Variants in PCDHGB3 observed in about 807,000 individuals in gnomAD.
PCDHGB3 encodes the protein protocadherin gamma subfamily B, 3.
In PCDHGB3, 40 loss-of-function variants were observed where a neutral mutation model predicts 59.2. The observed-to-expected ratio is 0.68, with a 90% CI of 0.52 to 0.88. The LOEUF (loss-of-function observed/expected upper bound fraction) is 0.88, where lower values mean the gene tolerates loss of function less well. Among genes scored for constraint, PCDHGB3 ranks in the 40% least tolerant of loss-of-function variants. The probability of loss-of-function intolerance (pLI) is 0.00; values close to 1 mark genes in which losing one functional copy is unlikely to be tolerated. For synonymous variants in PCDHGB3, 581 were observed against 503.6 expected (o/e 1.15, Z -2.06); for missense variants, 1,309 against 1,187.9 (o/e 1.10, Z -1.50).
At chr5:141,404,080 C>T (rs369802030) in intron 1 of PCDHGB3, 6 of 1,613,516 alleles carry the variant, frequency 3.7e-6, no homozygotes, top group Non-Finnish European at 4.2e-6. Context: ...ACCGAGACTC[C>T]GGGAAGAATG....
Position 141,370,644 on chromosome 5 carries a change from T to A in PCDHGB3, c.250T>A (p.Leu84Ile), listed in dbSNP as rs758086721. The A allele has an allele frequency of 5.6e-6, 9 of 1,613,802 alleles. No homozygotes were observed. The highest frequency in any genetic ancestry group is 7.6e-6 in the Non-Finnish European group (9 of 1,179,900). Residue 84 changes from leucine to isoleucine, a missense_variant, in exon 1 of 4, where the codon TTA becomes ATA. Physicochemically the swap from Leu to Ile is conservative, Grantham distance 5 (BLOSUM62 2). Transcript: ENST00000576222. ...FFTVSPENGNLLVSDRIDREE... is the reference protein window; with the variant it reads ...FFTVSPENGNILVSDRIDREE... ...TACCGTGAGCCCCGAAAATGGGAAC[T>A]TACTTGTGAGCGACCGTATAGACCG... is the stretch of plus-strand genomic sequence containing the variant.
chr5:141,421,513 C>G lies in PCDHGB3; in HGVS notation c.2415+48704C>G, dbSNP rs368199651. ...GGCAGGCAGGATAGACCGGGAGGAG[C>G]TCTGTGAGACGGTGTCCTCCTGTTT... On this transcript the variant is annotated intron_variant, in intron 1 of 3. Coordinates refer to ENST00000576222, the MANE Select transcript of PCDHGB3 (RefSeq NM_018924.5). 61 of 1,614,078 alleles carry G rather than the reference C, an allele frequency of 3.8e-5. No individual in the cohort carries two copies. The African/African-American group carries it at 7.5e-4, about 20-fold the overall frequency.
chr5:141,478,901 A>T (rs2099483520), intron 1 of PCDHGB3: 2 of 1,002,034 alleles, frequency 2.0e-6, no homozygotes, highest in African/African-American at 3.3e-5. Flanking sequence ...ATTAGGAATA[A>T]GCTGCTGGAT....
At chr5:141,420,808 G>A (rs539942896) in intron 1 of PCDHGB3, among the ~76,000 whole-genome samples, 2 of 152,288 alleles carry the variant, frequency 1.3e-5, no homozygotes, top group Admixed American at 6.5e-5. Flanking sequence ...AATTAAGCAA[G>A]CCCTTTTAAT....
At chr5:141,468,382 G>T (rs1247387630) in intron 1 of PCDHGB3, 1 of 151,194 alleles carries the variant, frequency 6.6e-6, no homozygotes, top group Non-Finnish European at 1.5e-5. Context: ...GCCATACAAG[G>T]CTACCCATTT....
At chr5:141,454,824 T>C (rs1231148585) in intron 1 of PCDHGB3, among the ~76,000 whole-genome samples, 1 of 127,218 alleles carries the variant, frequency 7.9e-6, no homozygotes, top group African/African-American at 3.3e-5. Flanking sequence ...TTTTTTTTTT[T>C]TGAGACAGAG....
rs756294828 is a variant in PCDHGB3, at chr5:141,417,904, G to A, written c.2415+45095G>A. 2.5e-6 allele frequency: 4 copies of A among 1,591,934 alleles called. No homozygotes were observed. The South Asian group carries it at 3.4e-5, about 13-fold the overall frequency. On this transcript the variant is annotated intron_variant, in intron 1 of 3. Transcript: ENST00000576222. Reference sequence around the variant, plus strand: ...AGAGGCGCCGGGCCGGCCCGCGGCAGGTACTATTTCCTTTGCTGCTGCCTT... The same window carrying A: ...AGAGGCGCCGGGCCGGCCCGCGGCAAGTACTATTTCCTTTGCTGCTGCCTT...
chr5:141,418,928 A>T (rs762769886), intron 1 of PCDHGB3: 1 of 1,613,978 alleles, frequency 6.2e-7, no homozygotes, highest in East Asian at 2.2e-5. Context: ...TGATCAGATT[A>T]TGGAGGATTC....
intron 1 of PCDHGB3, chr5:141,422,357 C>T: frequency 6.4e-7 from 1 of 1,557,656 alleles, no homozygotes; most frequent in South Asian, 1.3e-5. Context: ...GATCAAGATT[C>T]TGGAGAAAAT....
chr5:141,389,669 C>T (rs747451761), intron 1 of PCDHGB3: 14 of 1,612,326 alleles, frequency 8.7e-6, no homozygotes, highest in Non-Finnish European at 9.3e-6. Flanking sequence ...TGGACGCAGA[C>T]TCAGGACACA....
At chr5:141,494,554 T>C (rs1270280236) in intron 1 of PCDHGB3, among the ~76,000 whole-genome samples, 1 of 152,178 alleles carries the variant, frequency 6.6e-6, no homozygotes, top group African/African-American at 2.4e-5. Flanking sequence ...GGGCCATTTC[T>C]TTAGGAAAGG....
intron 1 of PCDHGB3, chr5:141,411,017 A>C (rs140607036): frequency 6.2e-6 from 1 of 162,372 alleles, no homozygotes; most frequent in Non-Finnish European, 1.3e-5. Context: ...CCACAGCTAA[A>C]TTTTTTGTAT....
chr5:141,490,566 C>T lies in PCDHGB3; in HGVS notation c.2416-4241C>T. 3 of 1,614,132 alleles carry T rather than the reference C, an allele frequency of 1.9e-6. No homozygotes were observed. Among genetic ancestry groups the T allele is most frequent in the Non-Finnish European group, 2.5e-6 (3 of 1,180,028 alleles). On this transcript the variant is annotated intron_variant, in intron 1 of 3. Transcript: ENST00000576222. This position sits in a 1 kb window ranked among gnomAD's most constrained non-coding sequence, Gnocchi z 5.4. ...TACACAAACATCTCACCATCAGGCT[C>T]AACATTTCAGATGTCAATGACAATG...
chr5:141,399,632 C>G, intron 1 of PCDHGB3: 1 of 1,613,894 alleles, frequency 6.2e-7, no homozygotes, highest in Non-Finnish European at 8.5e-7. Flanking sequence ...TCTTACGTGT[C>G]CATGAGCGCG....
At chr5:141,473,808 C>G (rs1562041705) in intron 1 of PCDHGB3, among the ~76,000 whole-genome samples, 1 of 152,198 alleles carries the variant, frequency 6.6e-6, no homozygotes, top group Non-Finnish European at 1.5e-5. Flanking sequence ...TACTGAGGAG[C>G]AGCTGGACAA....
chr5:141,376,507 G>A, intron 1 of PCDHGB3: 2 of 1,614,090 alleles, frequency 1.2e-6, no homozygotes, highest in Non-Finnish European at 1.7e-6. Flanking sequence ...GGCAACTTCA[G>A]GTGAGTTTCT....
chr5:141,406,976 A>G (rs773444464), intron 1 of PCDHGB3, among the ~76,000 whole-genome samples: 12 of 152,244 alleles, frequency 7.9e-5, no homozygotes, highest in Non-Finnish European at 1.8e-4. Flanking sequence ...AGTAAATAAC[A>G]TTTCACAAGA....
At position 141,370,877 on chromosome 5, in the gene PCDHGB3, T is replaced by C. The variant is rs372858299; in HGVS notation, c.483T>C (p.Asp161=). The C allele has an allele frequency of 2.5e-5, 41 of 1,614,038 alleles. No individual in the cohort carries two copies. Among genetic ancestry groups the C allele is most frequent in the Middle Eastern group, 1.6e-4 (1 of 6,062 alleles). The change falls in exon 1 of 4, where the codon GAT becomes GAC. Residue 161 remains aspartate, a synonymous_variant. Coordinates refer to ENST00000576222, the MANE Select transcript of PCDHGB3 (RefSeq NM_018924.5). ...CCCTGGAATCTGCGCAAGATCCTGA[T>C]GTAGGTGTCAATTCGCTGCAGCAGT... ...TFALESAQDP[D]VGVNSLQQYY... is the part of the protein sequence containing the mutation.
chr5:141,490,700 C>T lies in PCDHGB3; in HGVS notation c.2416-4107C>T. The T allele has an allele frequency of 6.2e-7, 1 of 1,614,152 alleles. No individual in the cohort carries two copies. Among genetic ancestry groups the T allele is most frequent in the Non-Finnish European group, 8.5e-7 (1 of 1,179,984 alleles). ...TCAGATCCAGACACTGGGGATAATG[C>T]CCGCCTCACCTACTCCATTGTAGGA... On this transcript the variant is annotated intron_variant, in intron 1 of 3. Transcript: ENST00000576222. This position sits in a 1 kb window ranked among gnomAD's most constrained non-coding sequence, Gnocchi z 5.4.
Sources: gnomAD v4.1 joint callset for allele counts (sites outside exome capture counted in the v4.1 genomes callset) on GRCh38, gnomAD v4.1.1 for gene constraint, Gnocchi (gnomAD v3.1) non-coding constraint, MANE v1.5 for transcripts, NCBI Gene and HGNC (gene_info 2026-07-23, HGNC 2026-07-21) for gene names.